GRIA3: variants seen among roughly 807,000 people sequenced by gnomAD.
GRIA3 encodes glutamate receptor 3.
In GRIA3, 3 loss-of-function variants were observed where a neutral mutation model predicts 63.0. That is an observed-to-expected ratio of 0.05 (90% CI 0.02 to 0.12). The LOEUF is 0.12. Among genes scored for constraint, GRIA3 ranks in the 10% least tolerant of loss-of-function variants. The pLI, the probability that GRIA3 is intolerant of heterozygous loss-of-function variation, is 1.00. For missense variants in GRIA3, 347 were observed against 700.9 expected, an observed-to-expected ratio of 0.50 and a Z score of 5.70; for synonymous variants, 274 against 257.9, an observed-to-expected ratio of 1.06 and a Z score of -0.60.
intron 2 of GRIA3, among the ~76,000 whole-genome samples, chrX:123,224,747 T>C (rs892051024): frequency 8.9e-6 from 1 of 111,941 alleles, no homozygotes; most frequent in African/African-American, 3.2e-5. Context: ...ATTTAAATTA[T>C]CTAAATTATT....
chrX:123,330,729 C>G (rs1338314552), intron 4 of GRIA3, among the ~76,000 whole-genome samples: 1 of 111,071 alleles, frequency 9.0e-6, no homozygotes, highest in African/African-American at 3.3e-5. Context: ...ATGAGCTTAA[C>G]TAGACTAGAG....
chrX:123,384,538 T>A (rs1017379447), intron 5 of GRIA3, among the ~76,000 whole-genome samples: 2 of 111,630 alleles, frequency 1.8e-5, no homozygotes, highest in African/African-American at 6.5e-5. Context: ...GGCAGGGGAA[T>A]CACTTGAACC....
intron 5 of GRIA3, among the ~76,000 whole-genome samples, chrX:123,355,799 T>A (rs1266694728): frequency 8.9e-6 from 1 of 112,264 alleles, no homozygotes; most frequent in East Asian, 2.8e-4. Flanking sequence ...GGTGAAAGAT[T>A]ATTGTAATTA....
chrX:123,192,981 T>C (rs892342731), intron 2 of GRIA3, among the ~76,000 whole-genome samples: 19 of 110,436 alleles, frequency 1.7e-4, no homozygotes, highest in Admixed American at 1.7e-3. Flanking sequence ...AAGGAGACTG[T>C]GATCATTAAA....
At chrX:123,373,932 T>C (rs990132602) in intron 5 of GRIA3, among the ~76,000 whole-genome samples, 1 of 111,935 alleles carries the variant, frequency 8.9e-6, no homozygotes, top group Non-Finnish European at 1.9e-5. Context: ...TCCTTGCCGA[T>C]GCCTATGTCC....
intron 12 of GRIA3, among the ~76,000 whole-genome samples, chrX:123,457,532 T>C (rs1030286579): frequency 9.8e-5 from 11 of 112,095 alleles, no homozygotes; most frequent in African/African-American, 3.6e-4. Flanking sequence ...CCCATTTTCC[T>C]TTGAGGAACA....
chrX:123,389,080 A>G (rs895309652), intron 5 of GRIA3, among the ~76,000 whole-genome samples: 3 of 112,200 alleles, frequency 2.7e-5, no homozygotes, highest in Non-Finnish European at 5.6e-5. Context: ...GCCTGAGAAG[A>G]TATTTGATAT....
chrX:123,274,364 T>C (rs775697164), intron 3 of GRIA3, among the ~76,000 whole-genome samples: 4 of 111,764 alleles, frequency 3.6e-5, no homozygotes, highest in Admixed American at 1.9e-4. Context: ...TGACCAATCC[T>C]ATAGCATGGA....
At chrX:123,276,079 C>T in intron 3 of GRIA3, among the ~76,000 whole-genome samples, 1 of 112,118 alleles carries the variant, frequency 8.9e-6, no homozygotes, top group Admixed American at 9.4e-5. Context: ...CCTAGGGTCA[C>T]ACAGCAGGTC....
At chrX:123,412,107 G>A (rs951446835) in intron 10 of GRIA3, among the ~76,000 whole-genome samples, 2 of 112,084 alleles carry the variant, frequency 1.8e-5, no homozygotes, top group African/African-American at 6.5e-5. Flanking sequence ...TTTTTCATCA[G>A]TGTGGGCCTC....
chrX:123,399,300 A>G (rs1326704379), intron 7 of GRIA3, among the ~76,000 whole-genome samples: 1 of 112,062 alleles, frequency 8.9e-6, no homozygotes, highest in Non-Finnish European at 1.9e-5. Context: ...TCTGTTGTCA[A>G]AAAGAACACT....
At chrX:123,352,574 C>T (rs1024405868) in intron 4 of GRIA3, among the ~76,000 whole-genome samples, 1 of 111,725 alleles carries the variant, frequency 9.0e-6, no homozygotes, top group Admixed American at 9.5e-5. Context: ...TGCTCCCTCT[C>T]ATCTTCTCTA....
intron 11 of GRIA3, among the ~76,000 whole-genome samples, chrX:123,424,597 A>G (rs1022335921): frequency 4.5e-5 from 5 of 111,654 alleles, no homozygotes; most frequent in Non-Finnish European, 7.5e-5. Flanking sequence ...GTGGGTAATC[A>G]CCCAAATTCT....
chrX:123,470,653 G>T (rs749653450), intron 13 of GRIA3, among the ~76,000 whole-genome samples: 1 of 111,827 alleles, frequency 8.9e-6, no homozygotes, highest in Non-Finnish European at 1.9e-5. Flanking sequence ...GATGAATGAG[G>T]TTATACTGTA....
At chrX:123,353,647 G>C (rs2045113484) in intron 4 of GRIA3, among the ~76,000 whole-genome samples, 1 of 111,632 alleles carries the variant, frequency 9.0e-6, no homozygotes, top group Admixed American at 9.6e-5. Flanking sequence ...TTATCATAAA[G>C]CTTAAGCTTA....
intron 4 of GRIA3, among the ~76,000 whole-genome samples, chrX:123,345,234 T>C (rs2147344494): frequency 9.0e-6 from 1 of 110,891 alleles, no homozygotes; most frequent in South Asian, 3.9e-4. Flanking sequence ...ACTGTCAGAG[T>C]AGGGCAGCCC....
intron 13 of GRIA3, among the ~76,000 whole-genome samples, chrX:123,470,757 T>C (rs1447934010): frequency 8.9e-6 from 1 of 112,217 alleles, no homozygotes; most frequent in Non-Finnish European, 1.9e-5. Flanking sequence ...CCACCGTCTC[T>C]TAACCACTTC....
chrX:123,222,556 G>A (rs978957517), intron 2 of GRIA3, among the ~76,000 whole-genome samples: 2 of 111,808 alleles, frequency 1.8e-5, no homozygotes, highest in Non-Finnish European at 1.9e-5. Context: ...AAAATTAATC[G>A]TATTTAGCTA....
intron 2 of GRIA3, among the ~76,000 whole-genome samples, chrX:123,219,452 AAT>A (rs1314220008): frequency 8.9e-6 from 1 of 112,319 alleles, no homozygotes; most frequent in Admixed American, 9.4e-5. Flanking sequence ...CATTACTGAA[AAT>A]ATGTGTATAT....
Sources: allele counts gnomAD v4.1 joint callset (sites outside exome capture counted in the v4.1 genomes callset), GRCh38; gene constraint gnomAD v4.1.1; transcripts MANE v1.5; gene names NCBI Gene and HGNC (gene_info 2026-07-23, HGNC 2026-07-21).